CNBD1: variants seen among roughly 807,000 people sequenced by gnomAD.
CNBD1 encodes the protein cyclic nucleotide-binding domain-containing protein 1.
A neutral mutation model predicts 54.4 loss-of-function variants in CNBD1; 71 were observed. The observed-to-expected ratio is 1.30, with a 90% confidence interval of 1.08 to 1.59. The LOEUF (loss-of-function observed/expected upper bound fraction) is 1.59, where lower values mean the gene tolerates loss of function less well. CNBD1 is among the 40% of genes most tolerant of loss of function. The pLI, the probability that CNBD1 is intolerant of heterozygous loss-of-function variation, is 0.00. For synonymous variants in CNBD1, 182 were observed against 170.7 expected (o/e 1.07, Z -0.51); for missense variants, 659 against 518.0 (o/e 1.27, Z -2.64).
chr8:87,300,517 G>A (rs531318589), intron 8 of CNBD1, among the ~76,000 whole-genome samples: 1 of 152,238 alleles, frequency 6.6e-6, no homozygotes, highest in South Asian at 2.1e-4. Flanking sequence ...ATACTGGTAC[G>A]TTAGGGCCAC....
intron 4 of CNBD1, among the ~76,000 whole-genome samples, chr8:87,183,249 G>A (rs1285524852): frequency 6.6e-6 from 1 of 151,998 alleles, no homozygotes; most frequent in Non-Finnish European, 1.5e-5. Context: ...AGTCTCTTTT[G>A]TAGGTATATG....
chr8:87,302,338 G>A (rs540238698), intron 8 of CNBD1, among the ~76,000 whole-genome samples: 1 of 152,188 alleles, frequency 6.6e-6, no homozygotes, highest in East Asian at 1.9e-4. Context: ...TTCAACATAT[G>A]CAAATCAATG....
At chr8:86,979,262 G>A (rs1808412659) in intron 4 of CNBD1, among the ~76,000 whole-genome samples, 1 of 151,606 alleles carries the variant, frequency 6.6e-6, no homozygotes, top group Non-Finnish European at 1.5e-5. Context: ...AAAGAATAAA[G>A]ACTATAATAA....
intron 9 of CNBD1, among the ~76,000 whole-genome samples, chr8:87,352,200 G>T (rs574995405): frequency 6.6e-6 from 1 of 152,224 alleles, no homozygotes; most frequent in South Asian, 2.1e-4. Context: ...GAATCCTAGG[G>T]CTGGGCACAG....
chr8:87,248,917 G>A (rs1168270946), intron 6 of CNBD1, among the ~76,000 whole-genome samples: 1 of 152,128 alleles, frequency 6.6e-6, no homozygotes, highest in African/African-American at 2.4e-5. Flanking sequence ...GCCACGTATG[G>A]ACTAAACTAA....
At chr8:87,105,604 G>T (rs191134679) in intron 4 of CNBD1, among the ~76,000 whole-genome samples, 286 of 152,238 alleles carry the variant, frequency 1.9e-3, no homozygotes, top group African/African-American at 6.5e-3. Context: ...AAAGACGTGG[G>T]CTTTCTCAGT....
At chr8:86,907,053 C>T (rs1809028343) in intron 3 of CNBD1, among the ~76,000 whole-genome samples, 1 of 152,184 alleles carries the variant, frequency 6.6e-6, no homozygotes, top group Non-Finnish European at 1.5e-5. Context: ...GCTAACTTCA[C>T]CATTAAATGA....
At chr8:86,965,002 T>A (rs10955130) in intron 4 of CNBD1, among the ~76,000 whole-genome samples, 138,620 of 152,238 alleles carry the variant, frequency 0.91, 63,224 homozygotes, top group East Asian at 0.99. Context: ...TCAAGGTGCT[T>A]AGACCTAAGT....
intron 4 of CNBD1, among the ~76,000 whole-genome samples, chr8:86,946,164 C>G (rs1401797391): frequency 1.3e-5 from 2 of 152,096 alleles, no homozygotes; most frequent in Non-Finnish European, 2.9e-5. Flanking sequence ...TATGTTCTTG[C>G]TATAGTTGAA....
chr8:87,155,839 T>C (rs553936550), intron 4 of CNBD1, among the ~76,000 whole-genome samples: 1 of 152,284 alleles, frequency 6.6e-6, no homozygotes, highest in African/African-American at 2.4e-5. Flanking sequence ...ACAAGAATAC[T>C]ACCCAGTATC....
At chr8:87,426,629 C>T (rs1808055601) in intron 2 of CNBD1, among the ~76,000 whole-genome samples, 2 of 152,130 alleles carry the variant, frequency 1.3e-5, no homozygotes, top group Non-Finnish European at 1.5e-5. Context: ...GCTTAATTTT[C>T]CTGAGACATC....
At chr8:87,382,595 T>C (rs1003041318) in intron 10 of CNBD1, 25 bp from the exon 11 acceptor site, 6 of 1,521,854 alleles carry the variant, frequency 3.9e-6, no homozygotes, top group Non-Finnish European at 5.3e-6. Flanking sequence ...ATGTAACTTC[T>C]TGTTTGTTTG....
intron 2 of CNBD1, among the ~76,000 whole-genome samples, chr8:87,415,035 A>G (rs1313345189): frequency 1.3e-5 from 2 of 152,082 alleles, no homozygotes; most frequent in African/African-American, 2.4e-5. Flanking sequence ...GGACCTGCTC[A>G]GTGCCATTTC....
chr8:87,134,808 A>C (rs1812193860), intron 4 of CNBD1, among the ~76,000 whole-genome samples: 1 of 150,510 alleles, frequency 6.6e-6, no homozygotes, highest in South Asian at 2.1e-4. Context: ...GATGGGTTTC[A>C]CTGTGTTAGC....
chr8:86,910,634 T>C lies in CNBD1; in HGVS notation c.272+5440T>C, dbSNP rs184707466. On this transcript the variant is annotated intron_variant, in intron 3 of 10. Coordinates refer to ENST00000518476, the MANE Select transcript of CNBD1 (RefSeq NM_173538.3). ...CATTTAATATCTACCCTTTAAGCAATAAGAAAAGACATAGATTTTTAATCA... is the reference window on the plus strand; with the variant it reads ...CATTTAATATCTACCCTTTAAGCAACAAGAAAAGACATAGATTTTTAATCA... 2.6e-5 allele frequency among the ~76,000 whole-genome samples: 4 copies of C among 152,296 alleles called. No individual in the cohort carries two copies. In the East Asian group the frequency reaches 7.7e-4, roughly 29 times the overall value.
chr8:86,956,709 T>C (rs541214192), intron 4 of CNBD1, among the ~76,000 whole-genome samples: 15 of 152,344 alleles, frequency 9.8e-5, no homozygotes, highest in African/African-American at 3.6e-4. Flanking sequence ...AAGTGACTTA[T>C]CAGCTTAAGG....
At chr8:86,942,422 C>G (rs1387912878) in intron 4 of CNBD1, among the ~76,000 whole-genome samples, 1 of 152,204 alleles carries the variant, frequency 6.6e-6, no homozygotes, top group Middle Eastern at 3.2e-3. Flanking sequence ...GTGACCATTT[C>G]TGGAGCATAG....
intron 4 of CNBD1, among the ~76,000 whole-genome samples, chr8:87,188,897 A>T (rs1813540649): frequency 6.7e-6 from 1 of 149,490 alleles, no homozygotes; most frequent in African/African-American, 2.5e-5. Flanking sequence ...TGAACCTGAC[A>T]TGTAGTTATT....
At chr8:87,204,935 T>C (rs971132374) in intron 4 of CNBD1, among the ~76,000 whole-genome samples, 27 of 152,078 alleles carry the variant, frequency 1.8e-4, no homozygotes, top group African/African-American at 5.8e-4. Flanking sequence ...TTCTCAGGAC[T>C]GTATACTAAG....
Sources: gnomAD v4.1 joint callset for allele counts (sites outside exome capture counted in the v4.1 genomes callset) on GRCh38, gnomAD v4.1.1 for gene constraint, MANE v1.5 for transcripts, NCBI Gene and HGNC (gene_info 2026-07-23, HGNC 2026-07-21) for gene names.